Variants in GLIPR1 observed in about 807,000 individuals in gnomAD.
GLIPR1 encodes GLI pathogenesis related 1, also known as glioma pathogenesis-related protein 1.
A neutral mutation model predicts 30.3 loss-of-function variants in GLIPR1; 38 were observed. That is an observed-to-expected ratio of 1.26 (90% CI 0.97 to 1.65). The LOEUF is 1.65. Ranked by LOEUF, GLIPR1 falls within the 40% of genes most tolerant of loss-of-function variation. The pLI is 0.00. For missense variants in GLIPR1, 285 were observed against 326.5 expected (o/e 0.87, Z 0.98); for synonymous variants, 122 against 110.6 (o/e 1.10, Z -0.65).
intron 2 of GLIPR1, 143 bp from the exon 3 acceptor site, chr12:75,490,263 A>G (rs1411420232): frequency 1.7e-6 from 1 of 593,432 alleles, no homozygotes; most frequent in African/African-American, 1.9e-5. Flanking sequence ...AGGTCTATCC[A>G]GCTGATTTCT....
intron 4 of GLIPR1, chr12:75,498,405 T>C (rs146930608): frequency 8.0e-4 from 190 of 237,586 alleles, no homozygotes; most frequent in Admixed American, 2.7e-3. Context: ...TTTTATTTTT[T>C]AAATTTTATT....
At chr12:75,485,973 A>G (rs1443248339) in intron 2 of GLIPR1, among the ~76,000 whole-genome samples, 1 of 152,014 alleles carries the variant, frequency 6.6e-6, no homozygotes, top group Admixed American at 6.5e-5. Flanking sequence ...GTGGGCCTAT[A>G]AGGGAGACAT....
chr12:75,482,623 G>A (rs147758019), intron 2 of GLIPR1, among the ~76,000 whole-genome samples: 47 of 152,096 alleles, frequency 3.1e-4, no homozygotes, highest in African/African-American at 1.1e-3. Flanking sequence ...AGAGGCCAAC[G>A]TGTAAACTTA....
rs2046372489 is a variant in GLIPR1 at position 75,499,147 on chromosome 12, C to T, written c.*169C>T. ...AAATTTCCTAACTCTATCAGATAAA[C>T]TCATCTTTAGTATAAATAAGCATTA... On this transcript the variant is annotated 3_prime_UTR_variant, in exon 6 of 6. Transcript: ENST00000266659. The T allele has an allele frequency of 4.3e-6, 2 of 467,354 alleles. No homozygotes were observed. Among genetic ancestry groups the T allele is most frequent in the South Asian group, 3.9e-5 (1 of 25,884 alleles). 29.0% of individuals were successfully genotyped at this position (467,354 alleles called of 1,614,324 possible). A position where few individuals can be genotyped will look rare whatever the true frequency, so the allele number is the denominator to read the frequency against.
At chr12:75,481,634 T>G (rs1240948412) in intron 1 of GLIPR1, among the ~76,000 whole-genome samples, 200 bp from the exon 2 acceptor site, 1 of 152,196 alleles carries the variant, frequency 6.6e-6, no homozygotes, top group African/African-American at 2.4e-5. Flanking sequence ...TTTCCTCACT[T>G]AGATTCTAAA....
At chr12:75,490,249 C>T (rs1474225093) in intron 2 of GLIPR1, among the ~76,000 whole-genome samples, 157 bp from the exon 3 acceptor site, 1 of 148,210 alleles carries the variant, frequency 6.7e-6, no homozygotes, top group Admixed American at 6.8e-5. Context: ...ATAATGGTAA[C>T]TACAGGTCTA....
intron 3 of GLIPR1, chr12:75,493,032 C>T (rs1387266956): frequency 6.6e-6 from 1 of 152,136 alleles, no homozygotes. Flanking sequence ...AGCAAAACTT[C>T]CGTGAAGAAA....
chr12:75,494,832 T>C (rs572672238), intron 3 of GLIPR1: 1 of 152,226 alleles, frequency 6.6e-6, no homozygotes, highest in African/African-American at 2.4e-5. Context: ...GTCTGTGACC[T>C]TGGTCAATTA....
In GLIPR1 at chr12:75,500,165, ATACTT is replaced by A. The variant is rs1407799402; in HGVS notation, c.*1190_*1194del. On this transcript the variant is annotated 3_prime_UTR_variant, in exon 6 of 6. Coordinates refer to ENST00000266659, the MANE Select transcript of GLIPR1 (RefSeq NM_006851.3). ...AGATTAAGATAAAACAAATCATAAA[ATACTT>A]TATATATTAGTACAAGTATACATAA... The A allele has an allele frequency of 8.5e-6, 3 of 354,802 alleles. No homozygotes were observed. Among genetic ancestry groups the A allele is most frequent in the African/African-American group, 6.4e-5 (3 of 46,616 alleles). 22.0% of individuals were successfully genotyped at this position (354,802 alleles called of 1,614,324 possible).
intron 3 of GLIPR1, chr12:75,494,310 A>C (rs1006083742): frequency 1.3e-5 from 2 of 152,232 alleles, no homozygotes; most frequent in African/African-American, 2.4e-5. Context: ...CTCTATTAAA[A>C]ATAACATTTC....
chr12:75,481,710 G>C, intron 1 of GLIPR1, 124 bp from the exon 2 acceptor site: 1 of 785,690 alleles, frequency 1.3e-6, no homozygotes, highest in South Asian at 1.6e-5. Flanking sequence ...CATATTTATA[G>C]AGGACTCATA....
At position 75,495,794 on chromosome 12, in the gene GLIPR1, C is replaced by T. The variant is rs118036292; in HGVS notation, c.619+132C>T. 1.5e-3 allele frequency: 885 copies of T among 573,750 alleles called. 9 individuals carry two copies. In the East Asian group the frequency reaches 0.017, roughly 11 times the overall value. 35.5% of individuals were successfully genotyped at this position (573,750 alleles called of 1,614,324 possible). A position where few individuals can be genotyped will look rare whatever the true frequency, so the allele number is the denominator to read the frequency against. On this transcript the variant is annotated intron_variant, in intron 4 of 5. Coordinates refer to ENST00000266659, the MANE Select transcript of GLIPR1 (RefSeq NM_006851.3). ...AAACTGGCATCAAGTAGCAATTAAACCAATGGCTTACTGTTCTAGGAATAC... is the reference window on the plus strand; with the variant it reads ...AAACTGGCATCAAGTAGCAATTAAATCAATGGCTTACTGTTCTAGGAATAC...
At chr12:75,496,469 ACATC>A (rs2046352277) in intron 4 of GLIPR1, 1 of 152,196 alleles carries the variant, frequency 6.6e-6, no homozygotes, top group Non-Finnish European at 1.5e-5. Context: ...GTTTTACTAA[ACATC>A]CAAGCAAAAT....
At position 75,499,796 on chromosome 12, in the gene GLIPR1, A is replaced by T; in HGVS notation, c.*818A>T. ...CAAAAGGAGATAGTTCTAGTCAAGG[A>T]GTTTTGGGTATGTTACTTTTTTTTC... is the stretch of plus-strand genomic sequence containing the variant. On this transcript the variant is annotated 3_prime_UTR_variant, in exon 6 of 6. Transcript: ENST00000266659. 1 of 1,582,088 alleles carries T rather than the reference A, an allele frequency of 6.3e-7. No homozygotes were observed. Among genetic ancestry groups the T allele is most frequent in the Non-Finnish European group, 8.6e-7 (1 of 1,166,412 alleles).
chr12:75,499,041 C>A lies in GLIPR1; in HGVS notation c.*63C>A. 4.7e-6 allele frequency: 5 copies of A among 1,056,526 alleles called. No individual in the cohort carries two copies. The highest frequency in any genetic ancestry group is 6.8e-6 in the Non-Finnish European group (5 of 738,778). 65.4% of individuals were successfully genotyped at this position (1,056,526 alleles called of 1,614,324 possible). A position where few individuals can be genotyped will look rare whatever the true frequency, so the allele number is the denominator to read the frequency against. ...ATTCACATATGGCTTTTTTTTTAAC[C>A]AATAACAATTAGGTGTACTTCTATT... On this transcript the variant is annotated 3_prime_UTR_variant, in exon 6 of 6. Coordinates refer to ENST00000266659, the MANE Select transcript of GLIPR1 (RefSeq NM_006851.3).
chr12:75,490,809 T>C (rs936852113), intron 3 of GLIPR1: 1 of 215,110 alleles, frequency 4.6e-6, no homozygotes, highest in African/African-American at 2.3e-5. Flanking sequence ...GACTAAAATA[T>C]TCATCAGGGA....
intron 4 of GLIPR1, chr12:75,495,987 TTC>T (rs2046348232): frequency 5.6e-6 from 1 of 178,702 alleles, no homozygotes; most frequent in African/African-American, 2.4e-5. Flanking sequence ...ACAAACAGAA[TTC>T]TGTTTTCGTT....
At chr12:75,498,485 G>T (rs2046365708) in intron 4 of GLIPR1, 2 of 500,544 alleles carry the variant, frequency 4.0e-6, no homozygotes, top group Non-Finnish European at 7.0e-6. Context: ...TTTATAAAAG[G>T]TTTATAAAGT....
chr12:75,481,051 C>T lies in GLIPR1; in HGVS notation c.171C>T (p.Tyr57=). The T allele has an allele frequency of 6.2e-7, 1 of 1,605,320 alleles. No homozygotes were observed. Among genetic ancestry groups the T allele is most frequent in the South Asian group, 1.1e-5 (1 of 90,458 alleles). The change falls in exon 1 of 6, where the codon TAC becomes TAT. Residue 57 remains tyrosine, a synonymous_variant. Coordinates refer to ENST00000266659, the MANE Select transcript of GLIPR1 (RefSeq NM_006851.3). ...EVKPTASDML[Y]MTWDPALAQI... is the part of the protein sequence containing the mutation. ...AACCAACAGCCAGTGATATGCTATA[C>T]ATGGTAAGGAAAATATCATTAATTG...
Sources: gnomAD v4.1 joint callset for allele counts (sites outside exome capture counted in the v4.1 genomes callset) on GRCh38, gnomAD v4.1.1 for gene constraint, MANE v1.5 for transcripts, NCBI Gene and HGNC (gene_info 2026-07-23, HGNC 2026-07-21) for gene names.